Variants in AKAP19 observed in about 807,000 individuals in gnomAD.
The protein encoded by AKAP19 is small A-kinase anchoring protein.
the AKAP19 span, among the ~76,000 whole-genome samples, chr2:190,138,638 C>G: frequency 6.6e-6 from 1 of 152,208 alleles, no homozygotes; most frequent in Non-Finnish European, 1.5e-5. Context: ...AACCCACTTC[C>G]TCTGTGCCCT....
At chr2:190,108,367 G>A in the AKAP19 span, among the ~76,000 whole-genome samples, 1 of 152,192 alleles carries the variant, frequency 6.6e-6, no homozygotes, top group Non-Finnish European at 1.5e-5. Flanking sequence ...TGTTGGCCAG[G>A]CTGGTCTCAC....
the AKAP19 span, among the ~76,000 whole-genome samples, chr2:189,989,865 G>T: frequency 2.0e-5 from 3 of 148,806 alleles, no homozygotes; most frequent in African/African-American, 7.8e-5. Flanking sequence ...AGAAATTAAA[G>T]ATCTAAATTA....
the AKAP19 span, among the ~76,000 whole-genome samples, chr2:190,065,426 A>G: frequency 2.0e-5 from 3 of 152,176 alleles, no homozygotes; most frequent in Admixed American, 1.3e-4. Context: ...CTGTACACCT[A>G]AAAATGGTTA....
At chr2:190,031,275 T>C in the AKAP19 span, among the ~76,000 whole-genome samples, 2 of 152,260 alleles carry the variant, frequency 1.3e-5, no homozygotes, top group Non-Finnish European at 2.9e-5. Context: ...TATAGAGCAG[T>C]GAGTTTGGAA....
the AKAP19 span, among the ~76,000 whole-genome samples, chr2:190,122,815 T>G: frequency 6.6e-6 from 1 of 152,046 alleles, no homozygotes; most frequent in African/African-American, 2.4e-5. Flanking sequence ...TCTCTCTTTT[T>G]TTTTTTTTGT....
chr2:190,045,033 G>A, the AKAP19 span, among the ~76,000 whole-genome samples: 14 of 152,194 alleles, frequency 9.2e-5, no homozygotes, highest in Non-Finnish European at 1.5e-4. Context: ...CAGGCACTCC[G>A]AAGCCTGAAG....
chr2:189,980,522 A>G, the AKAP19 span, among the ~76,000 whole-genome samples: 1 of 152,132 alleles, frequency 6.6e-6, no homozygotes, highest in African/African-American at 2.4e-5. Flanking sequence ...TTTAGTAGAG[A>G]TGGGGTCTCA....
At chr2:190,060,716 A>G in the AKAP19 span, among the ~76,000 whole-genome samples, 1 of 152,022 alleles carries the variant, frequency 6.6e-6, no homozygotes, top group African/African-American at 2.4e-5. Flanking sequence ...TGAAGTAATG[A>G]ACGCTGAATG....
the AKAP19 span, among the ~76,000 whole-genome samples, chr2:190,176,843 C>T: frequency 2.0e-5 from 3 of 152,212 alleles, no homozygotes; most frequent in African/African-American, 7.2e-5. This position sits in a 1 kb window ranked among gnomAD's most constrained non-coding sequence, Gnocchi z 4.7. Flanking sequence ...CTGGGCCTCT[C>T]AGCCAAATCC....
At chr2:190,066,099 C>G in the AKAP19 span, among the ~76,000 whole-genome samples, 4 of 152,098 alleles carry the variant, frequency 2.6e-5, no homozygotes, top group Non-Finnish European at 5.9e-5. Flanking sequence ...AGTTAGCCAT[C>G]TCTAAAAGCA....
At chr2:189,934,728 T>C in the AKAP19 span, among the ~76,000 whole-genome samples, 1 of 151,416 alleles carries the variant, frequency 6.6e-6, no homozygotes, top group Non-Finnish European at 1.5e-5. Context: ...TTAAATAATA[T>C]ATAGATCATT....
chr2:189,996,193 C>T, the AKAP19 span, among the ~76,000 whole-genome samples: 20 of 152,206 alleles, frequency 1.3e-4, no homozygotes, highest in Non-Finnish European at 2.6e-4. Context: ...ATAAGTTTTC[C>T]AAACATTTAG....
chr2:190,191,356 G>C, the AKAP19 span, among the ~76,000 whole-genome samples: 1 of 152,110 alleles, frequency 6.6e-6, no homozygotes, highest in Admixed American at 6.6e-5. Flanking sequence ...TGTTGGCCAG[G>C]CTGGTCTCAA....
At chr2:189,929,821 A>G in the AKAP19 span, among the ~76,000 whole-genome samples, 1 of 152,232 alleles carries the variant, frequency 6.6e-6, no homozygotes, top group Admixed American at 6.5e-5. Flanking sequence ...CCAGTGTTAT[A>G]AAATGCAGCT....
the AKAP19 span, among the ~76,000 whole-genome samples, chr2:190,046,408 G>C: frequency 6.6e-6 from 1 of 152,090 alleles, no homozygotes; most frequent in African/African-American, 2.4e-5. Context: ...TTAACATTCA[G>C]ACCTTTATCA....
chr2:189,923,927 C>A, the AKAP19 span: 1 of 1,610,674 alleles, frequency 6.2e-7, no homozygotes, highest in South Asian at 1.1e-5. Context: ...GGATTCTTTC[C>A]TGGAAAACCT....
chr2:189,968,723 C>G, the AKAP19 span, among the ~76,000 whole-genome samples: 1 of 151,990 alleles, frequency 6.6e-6, no homozygotes, highest in Non-Finnish European at 1.5e-5. Context: ...CATAAGCCCC[C>G]ACTCCAAAAT....
the AKAP19 span, among the ~76,000 whole-genome samples, chr2:190,030,431 T>C: frequency 6.6e-6 from 1 of 152,258 alleles, no homozygotes; most frequent in Non-Finnish European, 1.5e-5. Flanking sequence ...CCCATTAGTA[T>C]AGGTGCCACC....
At chr2:190,195,021 A>G in the AKAP19 span, among the ~76,000 whole-genome samples, 35 of 151,884 alleles carry the variant, frequency 2.3e-4, no homozygotes, top group Middle Eastern at 6.8e-3. Flanking sequence ...TGCCTGGCTA[A>G]TTTTTTTCAT....
Sources: allele counts gnomAD v4.1 joint callset (sites outside exome capture counted in the v4.1 genomes callset), GRCh38; gene constraint gnomAD v4.1.1; non-coding constraint Gnocchi (gnomAD v3.1); transcripts MANE v1.5; gene names NCBI Gene and HGNC (gene_info 2026-07-23, HGNC 2026-07-21).